Variants in ECHDC2 observed in about 807,000 individuals in gnomAD.
ECHDC2 encodes enoyl-CoA hydratase domain containing 2.
Under a neutral mutation model 40.6 loss-of-function variants are expected in ECHDC2, and 34 were observed. The ratio of observed to expected loss-of-function variants is 0.84; its 90% CI spans 0.64 to 1.11. The LOEUF is 1.11. Among genes scored for constraint, ECHDC2 ranks in the 50% most tolerant of loss-of-function variants. The probability of loss-of-function intolerance (pLI) is 0.00; values close to 1 mark genes in which losing one functional copy is unlikely to be tolerated. For missense variants in ECHDC2, 392 were observed against 400.7 expected (o/e 0.98, Z 0.19); for synonymous variants, 162 against 166.6 (o/e 0.97, Z 0.21).
At chr1:52,912,006 T>C in intron 1 of ECHDC2, 13 of 1,423,570 alleles carry the variant, frequency 9.1e-6, no homozygotes, top group Non-Finnish European at 1.1e-5. Flanking sequence ...AGAGAGAAAG[T>C]GGAAGGACTT....
intron 1 of ECHDC2, among the ~76,000 whole-genome samples, chr1:52,916,385 CTG>C (rs1419017211): frequency 6.6e-6 from 1 of 152,168 alleles, no homozygotes; most frequent in African/African-American, 2.4e-5. Flanking sequence ...GGAATACTGA[CTG>C]TCAACTCTTA....
At chr1:52,903,026 T>G (rs1394165458) in intron 7 of ECHDC2, among the ~76,000 whole-genome samples, 2 of 152,152 alleles carry the variant, frequency 1.3e-5, no homozygotes, top group African/African-American at 2.4e-5. Context: ...TTATGGAAAT[T>G]TGGGATCTCC....
chr1:52,899,274 T>C, intron 7 of ECHDC2, 50 bp from the exon 8 acceptor site: 1 of 1,584,792 alleles, frequency 6.3e-7, no homozygotes, highest in Non-Finnish European at 8.7e-7. Flanking sequence ...AGGCTGATAG[T>C]TGCAGGTCTG....
At chr1:52,904,926 G>A in intron 6 of ECHDC2, 93 bp from the exon 7 acceptor site, 1 of 1,598,834 alleles carries the variant, frequency 6.3e-7, no homozygotes, top group Non-Finnish European at 8.6e-7. Flanking sequence ...CTTCTCAGAG[G>A]AGCAGGGTTC....
In ECHDC2 at chr1:52,897,823, T is replaced by C; in HGVS notation, c.754-339A>G. On this transcript the variant is annotated intron_variant, in intron 8 of 9. Coordinates refer to ENST00000371522, the MANE Select transcript of ECHDC2 (RefSeq NM_001198961.2). Reference sequence around the variant, plus strand: ...ACTGACTGGCACTTGAAAGCCTCATTCTAAGAGAAGTACCATGTGTGTGTG... The same window carrying C: ...ACTGACTGGCACTTGAAAGCCTCATCCTAAGAGAAGTACCATGTGTGTGTG... The C allele has an allele frequency of 4.5e-6, 2 of 439,780 alleles. 1 individual carries two copies. Among genetic ancestry groups the C allele is most frequent in the South Asian group, 4.8e-5 (2 of 42,080 alleles). The allele number at this position is 439,780 out of a possible 1,614,324, so 27.2% of individuals were successfully genotyped here.
chr1:52,919,897 T>C (rs894090463), intron 1 of ECHDC2, among the ~76,000 whole-genome samples: 1 of 152,228 alleles, frequency 6.6e-6, no homozygotes, highest in African/African-American at 2.4e-5. Flanking sequence ...TGTCATTCTT[T>C]TTTGGATAAA....
chr1:52,909,688 C>T (rs766203536), intron 3 of ECHDC2, among the ~76,000 whole-genome samples: 19 of 152,214 alleles, frequency 1.2e-4, no homozygotes, highest in Non-Finnish European at 2.5e-4. Context: ...AGATTACTTA[C>T]AATACCTAAT....
chr1:52,915,830 A>G (rs189263321), intron 1 of ECHDC2, among the ~76,000 whole-genome samples: 2 of 152,328 alleles, frequency 1.3e-5, no homozygotes, highest in Admixed American at 1.3e-4. Flanking sequence ...TGGTGAAGGT[A>G]ATGTGACTTC....
intron 1 of ECHDC2, chr1:52,913,960 G>A: frequency 8.5e-7 from 1 of 1,180,016 alleles, no homozygotes; most frequent in South Asian, 1.6e-5. Flanking sequence ...AAGTGCGTAA[G>A]TTCCTTAAGG....
chr1:52,919,405 T>C (rs1218133872), intron 1 of ECHDC2, among the ~76,000 whole-genome samples: 1 of 152,188 alleles, frequency 6.6e-6, no homozygotes, highest in Admixed American at 6.5e-5. Context: ...TTCAGCCCGG[T>C]ACCATGCTGT....
At chr1:52,900,038 T>C (rs1403239999) in intron 7 of ECHDC2, 2 of 149,550 alleles carry the variant, frequency 1.3e-5, no homozygotes, top group East Asian at 3.9e-4. Flanking sequence ...TTATGACAGA[T>C]GAATTTCCTT....
rs1275390769 is a variant in ECHDC2, at chr1:52,906,009, CAGT to C, written c.457+507_457+509del. 1.4e-5 allele frequency: 4 copies of C among 279,850 alleles called. No homozygotes were observed. In the Admixed American group the frequency reaches 2.0e-4, roughly 14 times the overall value. 17.3% of individuals were successfully genotyped at this position (279,850 alleles called of 1,614,324 possible). A position where few individuals can be genotyped will look rare whatever the true frequency, so the allele number is the denominator to read the frequency against. ...AGAAGGCTGCTCCTAATCACCAGGT[CAGT>C]CACCTGAGAAAATGATCAGTTATCT... On this transcript the variant is annotated intron_variant, in intron 5 of 9. Coordinates refer to ENST00000371522, the MANE Select transcript of ECHDC2 (RefSeq NM_001198961.2).
chr1:52,901,175 T>TAAAA (rs1646969471), intron 7 of ECHDC2: 1 of 140,558 alleles, frequency 7.1e-6, no homozygotes, highest in Admixed American at 7.1e-5. Flanking sequence ...AATAAATAAA[T>TAAAA]AAATAAATAA....
intron 5 of ECHDC2, 88 bp downstream of exon 5, chr1:52,906,431 G>A (rs1180817153): frequency 8.7e-7 from 1 of 1,150,568 alleles, no homozygotes; most frequent in Non-Finnish European, 1.3e-6. Flanking sequence ...CAAGAACAGT[G>A]GCTGACTGCA....
chr1:52,905,190 G>T (rs1301791675), intron 5 of ECHDC2, 100 bp from the exon 6 acceptor site: 1 of 1,330,626 alleles, frequency 7.5e-7, no homozygotes, highest in Non-Finnish European at 1.1e-6. Flanking sequence ...CGCCCCTCTA[G>T]CCACTTGCCC....
rs1305226990 is a variant in ECHDC2 at position 52,920,355 on chromosome 1, C to CAA, written c.121+1196_121+1197dup. The stretch of plus-strand genomic sequence containing the variant: ...CAAAGCCCCGCTTCAAACTTGTTGT[C>CAA]AAGCCGGTAAAAAGGAAGCAATACT... On this transcript the variant is annotated intron_variant, in intron 1 of 9. Transcript: ENST00000371522. 1.9e-4 allele frequency: 125 copies of CAA among 672,586 alleles called. 4 individuals are homozygous for CAA. The highest frequency in any genetic ancestry group is 1.1e-3 in the South Asian group (68 of 63,480). 41.7% of individuals were successfully genotyped at this position (672,586 alleles called of 1,614,324 possible).
rs1159425869 is a variant in ECHDC2 at position 52,921,608 on chromosome 1, G to T, written c.66C>A (p.Asp22Glu). Residue 22 changes from aspartate to glutamate, a missense_variant, in exon 1 of 10, where the codon GAC becomes GAA. Transcript: ENST00000371522. ...GGATCTCTGAGCCCCCGGCCGCCCC[G>T]TCGGAAGCGCAGCCGCGGGCCCGAA... ...RPLRARGCAS[D>E]GAAGGSEIQV... is the part of the protein sequence containing the mutation. 1 of 1,602,862 alleles carries T rather than the reference G, an allele frequency of 6.2e-7. No homozygotes were observed. Among genetic ancestry groups the T allele is most frequent in the African/African-American group, 1.3e-5 (1 of 74,792 alleles).
At chr1:52,897,322 G>A (rs1474487353) in intron 9 of ECHDC2, 115 bp downstream of exon 9, 11 of 1,060,444 alleles carry the variant, frequency 1.0e-5, no homozygotes, top group Admixed American at 3.4e-5. Flanking sequence ...CGATGGATGC[G>A]GTCAGACTGT....
At chr1:52,920,574 A>G in intron 1 of ECHDC2, 2 of 1,313,124 alleles carry the variant, frequency 1.5e-6, no homozygotes, top group Non-Finnish European at 1.1e-6. Flanking sequence ...CACAAGTGGA[A>G]TTAAGAAATC....
Sources: allele counts gnomAD v4.1 joint callset (sites outside exome capture counted in the v4.1 genomes callset), GRCh38; gene constraint gnomAD v4.1.1; transcripts MANE v1.5; gene names NCBI Gene and HGNC (gene_info 2026-07-23, HGNC 2026-07-21).